Variants in TOGARAM1 observed in about 807,000 individuals in gnomAD.
The protein encoded by TOGARAM1 is TOG array regulator of axonemal microtubules protein 1.
In TOGARAM1, 100 loss-of-function variants were observed where a neutral mutation model predicts 166.6. That is an observed-to-expected ratio of 0.60 (90% CI 0.51 to 0.71). The LOEUF is 0.71. TOGARAM1 is among the 30% of genes least tolerant of loss of function. The pLI is 0.00. For missense variants in TOGARAM1, 2,029 were observed against 2,102.7 expected (o/e 0.96, Z 0.69); for synonymous variants, 758 against 763.8 (o/e 0.99, Z 0.13).
At position 45,071,900 on chromosome 14, in the gene TOGARAM1, A is replaced by G; in HGVS notation, c.5056+102A>G. On this transcript the variant is annotated intron_variant, in intron 19 of 19. Coordinates refer to ENST00000361462, the MANE Select transcript of TOGARAM1 (RefSeq NM_001308120.2). ...GGATAGCTACCAACTTAATATAGCT[A>G]CCCACAAAGTAGAAATAAATTGTGT... The G allele has an allele frequency of 3.9e-6, 3 of 766,102 alleles. No individual in the cohort carries two copies. In the South Asian group the frequency reaches 5.8e-5, roughly 15 times the overall value. The allele number at this position is 766,102 out of a possible 1,614,324, so 47.5% of individuals were successfully genotyped here. A position where few individuals can be genotyped will look rare whatever the true frequency, so the allele number is the denominator to read the frequency against.
Position 44,977,892 on chromosome 14 carries a change from C to T in TOGARAM1, c.2046+13425C>T, listed in dbSNP as rs1263754482. ...CTCGAACTCCTGAGCTCAAGCAATC[C>T]TCCCTCCACTGCCTCTGAAAGTGCT... On this transcript the variant is annotated intron_variant, in intron 1 of 19. Transcript: ENST00000361462. Among the ~76,000 whole-genome samples the T allele has an allele frequency of 2.6e-5, 4 of 151,952 alleles. 1 individual carries two copies. Among genetic ancestry groups the T allele is most frequent in the Admixed American group, 2.6e-4 (4 of 15,260 alleles).
chr14:45,003,462 A>G (rs772968754), intron 3 of TOGARAM1, among the ~76,000 whole-genome samples: 19 of 152,048 alleles, frequency 1.2e-4, no homozygotes, highest in Non-Finnish European at 2.6e-4. Flanking sequence ...AAATGTATGA[A>G]TAGTTTCCGT....
At position 45,052,001 on chromosome 14, in the gene TOGARAM1, A is replaced by G. The variant is rs958832828; in HGVS notation, c.4314-435A>G. On this transcript the variant is annotated intron_variant, in intron 14 of 19. Transcript: ENST00000361462. ...CAAGCCTTACCTTAAACATGCTGAGAACACTTACATTAGCCTACGCTTAGA... is the reference window on the plus strand; with the variant it reads ...CAAGCCTTACCTTAAACATGCTGAGGACACTTACATTAGCCTACGCTTAGA... 4.6e-5 allele frequency among the ~76,000 whole-genome samples: 7 copies of G among 152,362 alleles called. No individual in the cohort carries two copies. The East Asian group carries it at 1.3e-3, about 29-fold the overall frequency.
chr14:45,060,193 C>T (rs1249343198), intron 16 of TOGARAM1, among the ~76,000 whole-genome samples: 3 of 149,930 alleles, frequency 2.0e-5, no homozygotes, highest in Non-Finnish European at 4.4e-5. Flanking sequence ...GCTGGGATTA[C>T]AGGCATGAGA....
chr14:44,977,049 G>T (rs1886234944), intron 1 of TOGARAM1, among the ~76,000 whole-genome samples: 1 of 152,056 alleles, frequency 6.6e-6, no homozygotes, highest in Non-Finnish European at 1.5e-5. Context: ...TTTAGTAATT[G>T]AGTGAAATTA....
intron 18 of TOGARAM1, among the ~76,000 whole-genome samples, chr14:45,071,285 G>GTTTT (rs10711034): frequency 7.2e-6 from 1 of 138,196 alleles, no homozygotes. Context: ...GATTCAGGCA[G>GTTTT]TTTTTTTTTT....
At chr14:45,014,977 TC>T (rs1880031156) in intron 7 of TOGARAM1, among the ~76,000 whole-genome samples, 1 of 152,126 alleles carries the variant, frequency 6.6e-6, no homozygotes, top group Non-Finnish European at 1.5e-5. Context: ...CTTCCTACCT[TC>T]CTGTTTTTAT....
At chr14:44,999,599 A>G in intron 3 of TOGARAM1, 102 bp downstream of exon 3, 1 of 916,220 alleles carries the variant, frequency 1.1e-6, no homozygotes, top group Non-Finnish European at 1.5e-6. Flanking sequence ...ACTCATCACA[A>G]AAAATAAAAG....
chr14:45,016,869 A>C, intron 7 of TOGARAM1, among the ~76,000 whole-genome samples: 1 of 152,200 alleles, frequency 6.6e-6, no homozygotes, highest in East Asian at 1.9e-4. Context: ...TATCTTTTTA[A>C]AAGGTTAGAA....
At chr14:45,071,925 T>C in intron 19 of TOGARAM1, 127 bp downstream of exon 19, 1 of 648,648 alleles carries the variant, frequency 1.5e-6, no homozygotes, top group Non-Finnish European at 2.6e-6. Context: ...ATAAATTGTG[T>C]AATGATCCAC....
At chr14:45,066,500 G>T in intron 16 of TOGARAM1, 78 bp from the exon 17 acceptor site, 2 of 1,332,974 alleles carry the variant, frequency 1.5e-6, no homozygotes, top group Non-Finnish European at 1.0e-6. Context: ...TGCATAATGA[G>T]ATTTTTAAAT....
At position 45,044,834 on chromosome 14, in the gene TOGARAM1, C is replaced by A. The variant is rs779658704; in HGVS notation, c.4118C>A (p.Ala1373Glu). 7.4e-6 allele frequency: 12 copies of A among 1,613,318 alleles called. No individual in the cohort carries two copies. In the East Asian group the frequency reaches 2.7e-4, roughly 36 times the overall value. Reference protein sequence around the residue: ...LRAMVNNVTPARAVVSLINGG... With the variant: ...LRAMVNNVTPERAVVSLINGG... ...GCTATGGTTAATAATGTAACTCCTG[C>A]ACGTGCAGTTGTTTCTCTTATCAAT... Residue 1373 changes from alanine (A) to glutamate (E), a missense_variant, in exon 13 of 20, where the codon GCA (alanine) becomes GAA (glutamate). By Grantham distance (107) the Ala-to-Glu change is moderately radical. Around this residue, in one of 2 missense-constraint regions of TOGARAM1, gnomAD observed 576 missense variants for 670.5 expected, o/e 0.86. Coordinates refer to ENST00000361462, the MANE Select transcript of TOGARAM1 (RefSeq NM_001308120.2).
chr14:45,005,638 A>G (rs1887916146), intron 4 of TOGARAM1, among the ~76,000 whole-genome samples: 1 of 152,140 alleles, frequency 6.6e-6, no homozygotes, highest in Non-Finnish European at 1.5e-5. Flanking sequence ...ATAAATAAAA[A>G]TAAAAAGATG....
intron 6 of TOGARAM1, among the ~76,000 whole-genome samples, chr14:45,011,151 G>A (rs78594973): frequency 0.04 from 6,051 of 152,194 alleles, 207 homozygotes; most frequent in East Asian, 0.12. Context: ...TATTTATAAT[G>A]TCAGGAAAGT....
intron 15 of TOGARAM1, among the ~76,000 whole-genome samples, chr14:45,052,847 TTA>T (rs1198377710): frequency 6.6e-6 from 1 of 152,190 alleles, no homozygotes; most frequent in East Asian, 1.9e-4. Flanking sequence ...GCTCTAACAG[TTA>T]GCAACTGTGT....
intron 17 of TOGARAM1, among the ~76,000 whole-genome samples, chr14:45,067,718 A>G (rs1325011861): frequency 2.0e-5 from 3 of 152,140 alleles, no homozygotes; most frequent in African/African-American, 7.2e-5. Flanking sequence ...CTATTGAGTA[A>G]AAATAAATCT....
chr14:45,009,654 G>T (rs759760099), intron 6 of TOGARAM1, among the ~76,000 whole-genome samples: 4 of 152,158 alleles, frequency 2.6e-5, no homozygotes, highest in Non-Finnish European at 5.9e-5. Flanking sequence ...CCCTACAGCA[G>T]TAGTGCTGGA....
intron 16 of TOGARAM1, among the ~76,000 whole-genome samples, chr14:45,064,399 G>A (rs188765019): frequency 3.5e-4 from 53 of 152,152 alleles, no homozygotes; most frequent in Admixed American, 3.4e-3. Context: ...CCAAAGTGCT[G>A]GGATTATAGG....
In TOGARAM1 at chr14:45,037,629, A is replaced by T. The variant is rs899855379; in HGVS notation, c.3812+5253A>T. On this transcript the variant is annotated intron_variant, in intron 11 of 19. Coordinates refer to ENST00000361462, the MANE Select transcript of TOGARAM1 (RefSeq NM_001308120.2). ...TTACCATATAATATTGCTTGAAAAT[A>T]CATTAAGCAAAAACTAATAGAACTG... is the stretch of plus-strand genomic sequence containing the variant. 9.2e-5 allele frequency among the ~76,000 whole-genome samples: 14 copies of T among 152,328 alleles called. 1 individual carries two copies. The highest frequency in any genetic ancestry group is 6.5e-4 in the Admixed American group (10 of 15,298).
Sources: gnomAD v4.1 joint callset for allele counts (sites outside exome capture counted in the v4.1 genomes callset) on GRCh38, gnomAD v4.1.1 for gene constraint, gnomAD v4.1.1 regional missense constraint, MANE v1.5 for transcripts, NCBI Gene and HGNC (gene_info 2026-07-23, HGNC 2026-07-21) for gene names.